EPB41: variants seen among roughly 807,000 people sequenced by gnomAD.
The protein encoded by EPB41 is erythrocyte membrane protein band 4.1, also known as protein 4.1.
EPB41 carries 65 observed loss-of-function variants against 108.0 expected under a neutral mutation model. That is an observed-to-expected ratio of 0.60 (90% CI 0.49 to 0.74). The LOEUF (loss-of-function observed/expected upper bound fraction) is 0.74. EPB41 is among the 30% of genes least tolerant of loss of function. The probability of loss-of-function intolerance (pLI) is 0.00; values close to 1 mark genes in which losing one functional copy is unlikely to be tolerated. For synonymous variants in EPB41, 336 were observed against 358.9 expected, an observed-to-expected ratio of 0.94 and a Z score of 0.72; for missense variants, 875 against 1,037.0, an observed-to-expected ratio of 0.84 and a Z score of 2.15.
chr1:28,963,718 A>C (rs1332796723), intron 1 of EPB41, among the ~76,000 whole-genome samples: 1 of 152,206 alleles, frequency 6.6e-6, no homozygotes, highest in Admixed American at 6.5e-5. Context: ...AGTCTCATTG[A>C]GGTTTAAGAT....
intron 2 of EPB41, among the ~76,000 whole-genome samples, chr1:28,988,465 T>G (rs973157511): frequency 6.6e-6 from 1 of 152,042 alleles, no homozygotes; most frequent in Non-Finnish European, 1.5e-5. Context: ...GTTCAAGCTA[T>G]TCTTCTGCCT....
intron 7 of EPB41, among the ~76,000 whole-genome samples, chr1:29,025,949 A>G (rs564394140): frequency 6.6e-6 from 1 of 150,414 alleles, no homozygotes; most frequent in Admixed American, 6.6e-5. Context: ...CAGAGCAAGA[A>G]GGGCATCCAT....
At chr1:29,089,129 A>C (rs1660309035) in intron 16 of EPB41, among the ~76,000 whole-genome samples, 1 of 152,164 alleles carries the variant, frequency 6.6e-6, no homozygotes, top group Admixed American at 6.5e-5. Flanking sequence ...TTATACTGTA[A>C]ATAATTAAAT....
chr1:29,112,308 C>G, intron 18 of EPB41, 60 bp from the exon 19 acceptor site: 57 of 1,401,194 alleles, frequency 4.1e-5, no homozygotes, highest in East Asian at 2.4e-5. Context: ...GCCTCTTTTT[C>G]TTTTTTTTTA....
At chr1:28,950,927 C>T (rs2094695128) in intron 1 of EPB41, among the ~76,000 whole-genome samples, 1 of 152,084 alleles carries the variant, frequency 6.6e-6, no homozygotes, top group South Asian at 2.1e-4. Context: ...CCTCTGCCTC[C>T]CAGGTGCAAG....
intron 1 of EPB41, among the ~76,000 whole-genome samples, chr1:28,985,244 G>A (rs553050968): frequency 2.0e-5 from 3 of 152,190 alleles, no homozygotes; most frequent in African/African-American, 4.8e-5. Context: ...GATTACAGCC[G>A]TGAGCCACTG....
chr1:28,975,219 A>C (rs1341519601), intron 1 of EPB41, among the ~76,000 whole-genome samples: 1 of 152,168 alleles, frequency 6.6e-6, no homozygotes, highest in Non-Finnish European at 1.5e-5. Context: ...GGCGTGAGTT[A>C]CCGTGCCCGG....
At chr1:28,902,675 A>T (rs2091426756) in intron 1 of EPB41, among the ~76,000 whole-genome samples, 1 of 151,998 alleles carries the variant, frequency 6.6e-6, no homozygotes, top group South Asian at 2.1e-4. Context: ...GGTTCGTCAC[A>T]CCTTCAGGGG....
intron 16 of EPB41, among the ~76,000 whole-genome samples, chr1:29,090,327 A>C (rs1179144459): frequency 6.6e-6 from 1 of 152,222 alleles, no homozygotes; most frequent in East Asian, 1.9e-4. Context: ...AAAATGGAAT[A>C]AAAATGCCTT....
At chr1:28,946,622 A>G (rs1041102975) in intron 1 of EPB41, among the ~76,000 whole-genome samples, 3 of 152,232 alleles carry the variant, frequency 2.0e-5, no homozygotes, top group Middle Eastern at 3.2e-3. Flanking sequence ...TTGCAACTTC[A>G]ATAACATATG....
chr1:29,028,120 G>C (rs1191533405), intron 7 of EPB41, among the ~76,000 whole-genome samples: 1 of 152,170 alleles, frequency 6.6e-6, no homozygotes, highest in Non-Finnish European at 1.5e-5. Context: ...CACCGCGCCA[G>C]GCCTGATCTC....
At chr1:28,958,745 G>A (rs1175904784) in intron 1 of EPB41, among the ~76,000 whole-genome samples, 2 of 149,328 alleles carry the variant, frequency 1.3e-5, no homozygotes, top group African/African-American at 4.9e-5. Flanking sequence ...CTTGAGCCTG[G>A]GAGGTGAAGG....
At chr1:28,974,666 A>C (rs1034976062) in intron 1 of EPB41, among the ~76,000 whole-genome samples, 2 of 152,232 alleles carry the variant, frequency 1.3e-5, no homozygotes, top group East Asian at 3.8e-4. Flanking sequence ...GCTTTGAGAT[A>C]CTGGATGGTA....
chr1:28,921,242 A>G (rs1306115702), intron 1 of EPB41, among the ~76,000 whole-genome samples: 1 of 152,218 alleles, frequency 6.6e-6, no homozygotes, highest in African/African-American at 2.4e-5. Context: ...AATCATTTTA[A>G]CACAATGGGA....
chr1:29,095,446 T>C (rs184215392), intron 16 of EPB41, among the ~76,000 whole-genome samples: 23 of 152,332 alleles, frequency 1.5e-4, no homozygotes, highest in Non-Finnish European at 3.1e-4. Context: ...AGTGTGAGGA[T>C]ACATACAGTT....
At chr1:29,102,294 T>C (rs1665686490) in intron 17 of EPB41, among the ~76,000 whole-genome samples, 1 of 152,138 alleles carries the variant, frequency 6.6e-6, no homozygotes, top group Non-Finnish European at 1.5e-5. Flanking sequence ...AGCTACATGA[T>C]AAATTGGTAA....
intron 11 of EPB41, among the ~76,000 whole-genome samples, chr1:29,043,448 T>A (rs1290492388): frequency 6.6e-6 from 1 of 152,234 alleles, no homozygotes; most frequent in African/African-American, 2.4e-5. Context: ...ATCTTTCATT[T>A]TGTGATATCC....
At chr1:28,997,471 T>G in intron 4 of EPB41, 152 bp downstream of exon 4, 1 of 661,094 alleles carries the variant, frequency 1.5e-6, no homozygotes, top group South Asian at 1.7e-5. Context: ...GCTATTTTTC[T>G]TCTAGAATTA....
At chr1:29,049,834 ATGTAT>A (rs1415972276) in intron 11 of EPB41, among the ~76,000 whole-genome samples, 2 of 152,188 alleles carry the variant, frequency 1.3e-5, no homozygotes, top group African/African-American at 2.4e-5. Context: ...TTTTAAAGTT[ATGTAT>A]TGTCTATATA....
Sources: allele counts gnomAD v4.1 joint callset (sites outside exome capture counted in the v4.1 genomes callset), GRCh38; gene constraint gnomAD v4.1.1; transcripts MANE v1.5; gene names NCBI Gene and HGNC (gene_info 2026-07-23, HGNC 2026-07-21).